CLIC2: variants seen among roughly 807,000 people sequenced by gnomAD.
The protein encoded by CLIC2 is CLIC family member 2, also known as chloride intracellular channel protein 2.
A neutral mutation model predicts 14.8 loss-of-function variants in CLIC2; 9 were observed. The observed-to-expected ratio is 0.61, with a 90% CI of 0.37 to 1.06. The LOEUF (loss-of-function observed/expected upper bound fraction) is 1.06. Among genes scored for constraint, CLIC2 ranks in the 50% least tolerant of loss-of-function variants. The pLI is 0.01. For missense variants in CLIC2, 148 were observed against 181.4 expected, an observed-to-expected ratio of 0.82 and a Z score of 1.06; for synonymous variants, 61 against 66.3, an observed-to-expected ratio of 0.92 and a Z score of 0.39.
chrX:155,308,554 C>T (rs1013602291), intron 1 of CLIC2, among the ~76,000 whole-genome samples: 7 of 111,474 alleles, frequency 6.3e-5, no homozygotes, highest in African/African-American at 2.0e-4. Context: ...TATGCAAGTA[C>T]GAGAATGTCA....
At chrX:155,299,741 A>C (rs1386599771) in intron 1 of CLIC2, among the ~76,000 whole-genome samples, 1 of 58,258 alleles carries the variant, frequency 1.7e-5, no homozygotes, top group Non-Finnish European at 2.9e-5. Context: ...CCCACCCCAC[A>C]ACAGTCCCCA....
Position 155,276,317 on chromosome X carries a change from T to A in CLIC2, c.*1586A>T, listed in dbSNP as rs1025474655. Reference sequence around the variant, plus strand: ...AATGCATGTACACACAGTATAATGATCAAATAGGCGTAATTACCATATCCA... The same window carrying A: ...AATGCATGTACACACAGTATAATGAACAAATAGGCGTAATTACCATATCCA... On this transcript the variant is annotated 3_prime_UTR_variant, in exon 6 of 6. Transcript: ENST00000369449. 2.7e-5 allele frequency: 3 copies of A among 112,251 alleles called. No homozygotes were observed. Among genetic ancestry groups the A allele is most frequent in the African/African-American group, 9.7e-5 (3 of 30,939 alleles). The allele number at this position is 112,251 out of a possible 1,213,427, so 9.3% of individuals were successfully genotyped here. A position where few individuals can be genotyped will look rare whatever the true frequency, so the allele number is the denominator to read the frequency against.
chrX:155,306,846 T>A (rs995502930), intron 1 of CLIC2, among the ~76,000 whole-genome samples: 1 of 111,460 alleles, frequency 9.0e-6, no homozygotes, highest in African/African-American at 3.3e-5. Context: ...TTTGCCCTCA[T>A]GATCCAAACA....
intron 1 of CLIC2, among the ~76,000 whole-genome samples, chrX:155,305,065 C>T (rs782520329): frequency 8.9e-6 from 1 of 112,286 alleles, no homozygotes; most frequent in Non-Finnish European, 1.9e-5. Context: ...GAGGTGGAGC[C>T]TACAGAGGCA....
chrX:155,316,353 C>T (rs1057274348), intron 1 of CLIC2, among the ~76,000 whole-genome samples: 4 of 111,829 alleles, frequency 3.6e-5, no homozygotes, highest in Non-Finnish European at 7.5e-5. Context: ...CAAGATAGAC[C>T]ACATGATAAG....
chrX:155,334,318 A>G, intron 1 of CLIC2, 53 bp downstream of exon 1: 1 of 937,627 alleles, frequency 1.1e-6, no homozygotes, highest in Non-Finnish European at 1.5e-6. Flanking sequence ...ATTGGACTTC[A>G]GTGTCAAAAA....
chrX:155,292,756 C>A (rs782606457), intron 3 of CLIC2: 1 of 461,743 alleles, frequency 2.2e-6, no homozygotes. Context: ...GGCGACAGAG[C>A]GAGACTCCGT....
intron 1 of CLIC2, among the ~76,000 whole-genome samples, chrX:155,312,488 T>C (rs782222922): frequency 3.6e-5 from 4 of 111,793 alleles, no homozygotes; most frequent in African/African-American, 6.5e-5. Flanking sequence ...TGTGTGGCCT[T>C]ATTTTTGGGC....
At chrX:155,311,465 A>G (rs2075074149) in intron 1 of CLIC2, among the ~76,000 whole-genome samples, 1 of 111,553 alleles carries the variant, frequency 9.0e-6, no homozygotes, top group African/African-American at 3.3e-5. Flanking sequence ...AGACCACCTC[A>G]GCCTGTATTT....
intron 5 of CLIC2, 22 bp downstream of exon 5, chrX:155,279,127 A>G: frequency 2.5e-6 from 3 of 1,201,540 alleles, no homozygotes; most frequent in Non-Finnish European, 3.4e-6. Flanking sequence ...CCACCCATTC[A>G]GCCTGCCTTA....
At chrX:155,289,102 C>T (rs781975690) in intron 3 of CLIC2, among the ~76,000 whole-genome samples, 83 of 108,440 alleles carry the variant, frequency 7.7e-4, no homozygotes, top group Middle Eastern at 9.5e-3. Context: ...GGAGATCGTG[C>T]GATTGCTCTC....
rs1196093749 is a variant in CLIC2 at position 155,303,901 on chromosome X, T to A, written c.58-4756A>T. Among the ~76,000 whole-genome samples, 531 of 105,713 alleles carry A rather than the reference T, an allele frequency of 5.0e-3. 3 individuals are homozygous for A. Among genetic ancestry groups the A allele is most frequent in the African/African-American group, 0.017 (507 of 29,027 alleles). The allele number at this position is 105,713 out of a possible 115,157, so 91.8% of individuals were successfully genotyped here. On this transcript the variant is annotated intron_variant, in intron 1 of 5. Transcript: ENST00000369449. ...AATTCTTTTCTTTAAGAATGTTGAA[T>A]ATTGGCCCCCACTCTCTTCTGGCTT...
At chrX:155,292,622 T>C in intron 3 of CLIC2, 2 of 242,516 alleles carry the variant, frequency 8.2e-6, no homozygotes, top group Middle Eastern at 2.6e-3. Flanking sequence ...TACAAAAAAT[T>C]AGCCGGGCGT....
chrX:155,331,807 T>G (rs2075157757), intron 1 of CLIC2, among the ~76,000 whole-genome samples: 1 of 111,303 alleles, frequency 9.0e-6, no homozygotes, highest in African/African-American at 3.3e-5. Flanking sequence ...TTTGTTGAAT[T>G]TTTATATTAA....
chrX:155,320,907 C>T (rs1194367283), intron 1 of CLIC2, among the ~76,000 whole-genome samples: 1 of 111,394 alleles, frequency 9.0e-6, no homozygotes, highest in Non-Finnish European at 1.9e-5. Context: ...ACAAGAACTT[C>T]GTGAAGCATA....
chrX:155,307,047 A>G (rs895461744), intron 1 of CLIC2, among the ~76,000 whole-genome samples: 69 of 111,742 alleles, frequency 6.2e-4, no homozygotes, highest in Non-Finnish European at 7.1e-4. Flanking sequence ...TTACTTACCC[A>G]ATGAATATTC....
intron 1 of CLIC2, among the ~76,000 whole-genome samples, chrX:155,305,454 A>T (rs2075051722): frequency 8.9e-6 from 1 of 112,192 alleles, no homozygotes; most frequent in Non-Finnish European, 1.9e-5. Context: ...GCACGCACCC[A>T]CTGACCTGCG....
chrX:155,324,452 A>G (rs1160026692), intron 1 of CLIC2, among the ~76,000 whole-genome samples: 2 of 111,846 alleles, frequency 1.8e-5, no homozygotes, highest in Non-Finnish European at 3.8e-5. Flanking sequence ...GACCTCAGAT[A>G]TAACACCACA....
chrX:155,332,785 A>G (rs782236345), intron 1 of CLIC2, among the ~76,000 whole-genome samples: 22 of 112,437 alleles, frequency 2.0e-4, no homozygotes, highest in Non-Finnish European at 3.8e-4. Context: ...TTACCACCCA[A>G]ATATGAAAAG....
Sources: allele counts gnomAD v4.1 joint callset (sites outside exome capture counted in the v4.1 genomes callset), GRCh38; gene constraint gnomAD v4.1.1; transcripts MANE v1.5; gene names NCBI Gene and HGNC (gene_info 2026-07-23, HGNC 2026-07-21).